VAV3: variants seen among roughly 807,000 people sequenced by gnomAD.
VAV3 encodes the protein vav guanine nucleotide exchange factor 3.
In VAV3, 94 loss-of-function variants were observed where a neutral mutation model predicts 131.2. The observed-to-expected ratio is 0.72, with a 90% CI of 0.61 to 0.85. VAV3 has a LOEUF of 0.85. Ranked by LOEUF, VAV3 falls within the 40% of genes least tolerant of loss-of-function variation. VAV3 has a pLI of 0.00. For synonymous variants in VAV3, 349 were observed against 342.0 expected (o/e 1.02, Z -0.22); for missense variants, 939 against 1,002.7 (o/e 0.94, Z 0.86).
intron 1 of VAV3, among the ~76,000 whole-genome samples, chr1:107,946,335 T>C (rs1674259842): frequency 6.6e-6 from 1 of 152,058 alleles, no homozygotes; most frequent in African/African-American, 2.4e-5. Flanking sequence ...GATGAGAAAA[T>C]AGATTGAGAG....
rs576646916 is a variant in VAV3 at position 107,945,636 on chromosome 1, A to G, written c.204+19030T>C. Among the ~76,000 whole-genome samples the G allele has an allele frequency of 5.3e-5, 8 of 152,212 alleles. No homozygotes were observed. In the South Asian group the frequency reaches 1.7e-3, roughly 32 times the overall value. On this transcript the variant is annotated intron_variant, in intron 1 of 26. Transcript: ENST00000370056. ...GTCAAGCTCGAGACCAGCCTGGCCAACATGGTGAAACCCCATCTCTACTAA... is the reference window on the plus strand; with the variant it reads ...GTCAAGCTCGAGACCAGCCTGGCCAGCATGGTGAAACCCCATCTCTACTAA...
Position 107,624,025 on chromosome 1 carries a change from C to T in VAV3, c.1915-6393G>A, listed in dbSNP as rs954504844. Among the ~76,000 whole-genome samples, 5 of 152,182 alleles carry T rather than the reference C, an allele frequency of 3.3e-5. No individual in the cohort carries two copies. The South Asian group carries it at 8.3e-4, about 25-fold the overall frequency. On this transcript the variant is annotated intron_variant, in intron 20 of 26. Transcript: ENST00000370056. ...GAGTCATCAAAATACATGACAAAGG[C>T]TTCAATTATAGTTGATGGTTTTTCC...
chr1:107,617,608 C>A lies in VAV3; in HGVS notation c.1939G>T (p.Val647Phe). The change falls in exon 21 of 27, where the codon GTT becomes TTT. Residue 647 changes from valine (V) to phenylalanine (F), a missense_variant. Transcript: ENST00000370056. Reference sequence around the variant, plus strand: ...ACTGCATCACTTGGAAAAAATCCAACCTCTCCAGATGCTAAATTTCTGCCC... The same window carrying A: ...ACTGCATCACTTGGAAAAAATCCAAACTCTCCAGATGCTAAATTTCTGCCC... ...WQGRNLASGEVGFFPSDAVKP... is the reference protein window; with the variant it reads ...WQGRNLASGEFGFFPSDAVKP... 6.2e-7 allele frequency: 1 copy of A among 1,612,098 alleles called. No homozygotes were observed. Among genetic ancestry groups the A allele is most frequent in the East Asian group, 2.2e-5 (1 of 44,766 alleles).
rs1200775426 is a variant in VAV3, at chr1:107,705,034, G to A, written c.1530C>T (p.Asp510=). Reference sequence around the variant, plus strand: ...GCATCTTGAAGTCGTGGAAATTGGAGTCTGCATAGTCTGGTCTTATGTTAG... The same window carrying A: ...GCATCTTGAAGTCGTGGAAATTGGAATCTGCATAGTCTGGTCTTATGTTAG... ...ALSNIRPDYA[D]SNFHDFKMHT... is the part of the protein sequence containing the mutation. Residue 510 remains aspartate, a synonymous_variant, in exon 16 of 27, where the codon GAC becomes GAT. Transcript: ENST00000370056. 1.9e-6 allele frequency: 3 copies of A among 1,613,444 alleles called. No individual in the cohort carries two copies. Among genetic ancestry groups the A allele is most frequent in the Non-Finnish European group, 2.5e-6 (3 of 1,179,736 alleles).
chr1:107,771,702 A>C (rs1665057941), intron 5 of VAV3, among the ~76,000 whole-genome samples: 1 of 152,248 alleles, frequency 6.6e-6, no homozygotes, highest in Admixed American at 6.5e-5. Context: ...CCAAGTGCGC[A>C]AGAAGAGTCC....
chr1:107,792,904 G>A lies in VAV3; in HGVS notation c.322-13412C>T, dbSNP rs576556584. On this transcript the variant is annotated intron_variant, in intron 2 of 26. Coordinates refer to ENST00000370056, the MANE Select transcript of VAV3 (RefSeq NM_006113.5). Reference sequence around the variant, plus strand: ...GGAAACAGTAATGTATAATTCAATCGTACATTATAATAATATACAGGACAT... The same window carrying A: ...GGAAACAGTAATGTATAATTCAATCATACATTATAATAATATACAGGACAT... Among the ~76,000 whole-genome samples the A allele has an allele frequency of 4.6e-5, 7 of 151,920 alleles. No homozygotes were observed. The East Asian group carries it at 5.8e-4, about 13-fold the overall frequency.
At chr1:107,751,459 G>A (rs964215441) in intron 12 of VAV3, among the ~76,000 whole-genome samples, 23 of 152,138 alleles carry the variant, frequency 1.5e-4, no homozygotes, top group Admixed American at 2.0e-4. Context: ...AATTAGCTAT[G>A]AAAAGAAAGA....
At chr1:107,602,951 A>C in intron 23 of VAV3, 96 bp downstream of exon 23, 1 of 859,844 alleles carries the variant, frequency 1.2e-6, no homozygotes, top group Non-Finnish European at 1.8e-6. Context: ...TTCAATTAGA[A>C]CTTTGGTTTT....
intron 10 of VAV3, among the ~76,000 whole-genome samples, chr1:107,759,266 A>G (rs775998310): frequency 1.4e-4 from 22 of 152,226 alleles, no homozygotes; most frequent in Non-Finnish European, 2.9e-4. Context: ...ATAAACAAGA[A>G]CTTAAAGACA....
At chr1:107,753,194 A>C (rs1663844744) in intron 12 of VAV3, among the ~76,000 whole-genome samples, 1 of 152,114 alleles carries the variant, frequency 6.6e-6, no homozygotes, top group South Asian at 2.1e-4. Context: ...TGCTAAGTAA[A>C]AAAAGCCAGT....
intron 2 of VAV3, among the ~76,000 whole-genome samples, chr1:107,817,883 C>T (rs1667629243): frequency 6.6e-6 from 1 of 152,176 alleles, no homozygotes; most frequent in Non-Finnish European, 1.5e-5. Context: ...CAATTTACTG[C>T]TCTGAGTTTG....
At chr1:107,575,007 GCGCGCGCGCA>G (rs1558059726) in intron 25 of VAV3, among the ~76,000 whole-genome samples, 4 of 31,964 alleles carry the variant, frequency 1.3e-4, no homozygotes, top group Admixed American at 4.1e-4. Flanking sequence ...GCGTGCGCGC[GCGCGCGCGCA>G]CACGCGCGCG....
chr1:107,620,926 G>T (rs1389734853), intron 20 of VAV3, among the ~76,000 whole-genome samples: 3 of 152,074 alleles, frequency 2.0e-5, no homozygotes, highest in Non-Finnish European at 4.4e-5. Flanking sequence ...AGAGACCGTG[G>T]TTGTATAAGA....
chr1:107,759,828 T>C (rs1250884630), intron 10 of VAV3, among the ~76,000 whole-genome samples: 1 of 152,168 alleles, frequency 6.6e-6, no homozygotes, highest in East Asian at 1.9e-4. Flanking sequence ...ACACCAAAGT[T>C]ACAAAATAAA....
At chr1:107,887,553 C>T (rs929661669) in intron 1 of VAV3, among the ~76,000 whole-genome samples, 2 of 152,076 alleles carry the variant, frequency 1.3e-5, no homozygotes, top group Non-Finnish European at 2.9e-5. Flanking sequence ...GATAAATGTC[C>T]CCAGAATACC....
intron 2 of VAV3, among the ~76,000 whole-genome samples, chr1:107,867,823 C>T (rs959339143): frequency 7.2e-5 from 11 of 152,078 alleles, no homozygotes; most frequent in Admixed American, 1.3e-4. Context: ...TCCCAAATGC[C>T]GCTCTGAGAC....
intron 19 of VAV3, chr1:107,669,390 T>C (rs1657622450): frequency 7.8e-7 from 1 of 1,289,642 alleles, no homozygotes; most frequent in Non-Finnish European, 1.0e-6. Flanking sequence ...GTCCTCAGAA[T>C]TTCTTGTTCT....
intron 1 of VAV3, among the ~76,000 whole-genome samples, chr1:107,951,873 G>C (rs917634268): frequency 6.6e-6 from 1 of 151,986 alleles, no homozygotes; most frequent in African/African-American, 2.4e-5. Flanking sequence ...CTGTTGGTGG[G>C]AGTGTAAATT....
intron 22 of VAV3, among the ~76,000 whole-genome samples, chr1:107,608,641 A>G (rs1264933768): frequency 2.0e-5 from 3 of 152,210 alleles, no homozygotes; most frequent in Non-Finnish European, 2.9e-5. Flanking sequence ...GTAACTACAG[A>G]AGGCAGAGTG....
Sources: allele counts gnomAD v4.1 joint callset (sites outside exome capture counted in the v4.1 genomes callset), GRCh38; gene constraint gnomAD v4.1.1; transcripts MANE v1.5; gene names NCBI Gene and HGNC (gene_info 2026-07-23, HGNC 2026-07-21).